PRKAR2B: variants seen among roughly 807,000 people sequenced by gnomAD.
PRKAR2B encodes cAMP-dependent protein kinase type II-beta regulatory subunit.
PRKAR2B carries 14 observed loss-of-function variants against 49.9 expected under a neutral mutation model. The observed-to-expected ratio is 0.28, with a 90% confidence interval of 0.19 to 0.44. PRKAR2B has a LOEUF of 0.44. Among genes scored for constraint, PRKAR2B ranks in the 20% least tolerant of loss-of-function variants. The probability of loss-of-function intolerance (pLI) is 1.00; values close to 1 mark genes in which losing one functional copy is unlikely to be tolerated. For synonymous variants in PRKAR2B, 196 were observed against 197.7 expected (o/e 0.99, Z 0.07); for missense variants, 393 against 537.9 (o/e 0.73, Z 2.67).
At chr7:107,062,988 A>G (rs182442019) in intron 1 of PRKAR2B, among the ~76,000 whole-genome samples, 8 of 152,148 alleles carry the variant, frequency 5.3e-5, no homozygotes, top group Admixed American at 3.9e-4. Context: ...CAGAAACTCA[A>G]TACTTGTATA....
intron 8 of PRKAR2B, among the ~76,000 whole-genome samples, chr7:107,155,378 A>T (rs1165958618): frequency 3.3e-5 from 5 of 151,988 alleles, no homozygotes; most frequent in African/African-American, 1.2e-4. Flanking sequence ...ACATGGTGAA[A>T]CCCCATCTCT....
chr7:107,095,168 C>T, intron 2 of PRKAR2B, among the ~76,000 whole-genome samples: 1 of 152,086 alleles, frequency 6.6e-6, no homozygotes, highest in Non-Finnish European at 1.5e-5. Context: ...TGCTTGTGTC[C>T]TCTTTTATTT....
In PRKAR2B at chr7:107,070,329, A is replaced by G. The variant is rs777106107; in HGVS notation, c.343+13A>G. On this transcript the variant is annotated intron_variant, in intron 2 of 10. Transcript: ENST00000265717. ...AGGCGTGCCTCAGGTAAGTCTGATTATATTATGGATTTTGTTTATTAATGG... is the reference window on the plus strand; with the variant it reads ...AGGCGTGCCTCAGGTAAGTCTGATTGTATTATGGATTTTGTTTATTAATGG... 8 of 1,592,270 alleles carry G rather than the reference A, an allele frequency of 5.0e-6. No individual in the cohort carries two copies. In the East Asian group the frequency reaches 1.6e-4, roughly 31 times the overall value.
intron 2 of PRKAR2B, among the ~76,000 whole-genome samples, chr7:107,114,513 C>A (rs1417024973): frequency 1.3e-5 from 2 of 149,458 alleles, no homozygotes; most frequent in Non-Finnish European, 2.9e-5. Context: ...AGGCACGCAC[C>A]ACCATGCCCG....
intron 2 of PRKAR2B, among the ~76,000 whole-genome samples, chr7:107,108,212 C>T (rs768622582): frequency 6.6e-6 from 1 of 152,128 alleles, no homozygotes; most frequent in East Asian, 1.9e-4. Flanking sequence ...CACTGGACAA[C>T]GTGACTCTGG....
intron 2 of PRKAR2B, among the ~76,000 whole-genome samples, chr7:107,071,793 A>C (rs1049602966): frequency 5.3e-5 from 8 of 152,212 alleles, no homozygotes; most frequent in East Asian, 3.9e-4. Context: ...TGGCTGGGCG[A>C]GGTGGCTCAC....
intron 2 of PRKAR2B, among the ~76,000 whole-genome samples, chr7:107,092,690 A>G (rs1794752629): frequency 6.6e-6 from 1 of 152,062 alleles, no homozygotes; most frequent in African/African-American, 2.4e-5. Context: ...AATTTAAAAA[A>G]TTTATCTATG....
At chr7:107,107,506 G>A (rs534383523) in intron 2 of PRKAR2B, among the ~76,000 whole-genome samples, 10 of 152,106 alleles carry the variant, frequency 6.6e-5, no homozygotes, top group South Asian at 2.1e-4. Flanking sequence ...GATGCTTCCC[G>A]TTGTCCCCCT....
rs542765134 is a variant in PRKAR2B at position 107,064,408 on chromosome 7, G to A, written c.308-5873G>A. On this transcript the variant is annotated intron_variant, in intron 1 of 10. Transcript: ENST00000265717. Reference sequence around the variant, plus strand: ...AAAGCAGAAGGAGCATCGATATTTCGTCTTACTCTGCCCCACCTCCAGCCG... The same window carrying A: ...AAAGCAGAAGGAGCATCGATATTTCATCTTACTCTGCCCCACCTCCAGCCG... Among the ~76,000 whole-genome samples the A allele has an allele frequency of 1.6e-3, 238 of 152,272 alleles. 1 individual carries two copies. Among genetic ancestry groups the A allele is most frequent in the Non-Finnish European group, 2.8e-3 (190 of 68,020 alleles).
chr7:107,045,282 C>T (rs1793667777), intron 1 of PRKAR2B, 68 bp downstream of exon 1: 2 of 1,323,408 alleles, frequency 1.5e-6, no homozygotes, highest in South Asian at 1.6e-5. Flanking sequence ...CCCCGCTGTG[C>T]TCTCGGATCT....
At position 107,156,336 on chromosome 7, in the gene PRKAR2B, G is replaced by A. The variant is rs117687308; in HGVS notation, c.919-648G>A. On this transcript the variant is annotated intron_variant, in intron 8 of 10. Coordinates refer to ENST00000265717, the MANE Select transcript of PRKAR2B (RefSeq NM_002736.3). ...GCCTGTAATCCCAGCTACTTGGGAG[G>A]GTGAGGTGGGAGAGTCGCCTGAATC... Among the ~76,000 whole-genome samples, 197 of 152,280 alleles carry A rather than the reference G, an allele frequency of 1.3e-3. 4 individuals carry two copies. The East Asian group carries it at 0.026, about 20-fold the overall frequency.
chr7:107,150,569 A>G (rs1795964708), intron 6 of PRKAR2B, among the ~76,000 whole-genome samples: 1 of 80,332 alleles, frequency 1.2e-5, no homozygotes, highest in Non-Finnish European at 2.4e-5. Flanking sequence ...CGTAGAGTAC[A>G]TAACAGAGTA....
intron 1 of PRKAR2B, among the ~76,000 whole-genome samples, chr7:107,065,793 T>C (rs1447281298): frequency 1.3e-5 from 2 of 152,202 alleles, no homozygotes; most frequent in African/African-American, 2.4e-5. Context: ...GTGATAGGCA[T>C]TGGGCATGAA....
Position 107,074,820 on chromosome 7 carries a change from A to G in PRKAR2B, c.343+4504A>G, listed in dbSNP as rs369092324. 4.6e-5 allele frequency among the ~76,000 whole-genome samples: 7 copies of G among 152,154 alleles called. No homozygotes were observed. The East Asian group carries it at 1.4e-3, about 29-fold the overall frequency. ...GTTTAAAATAAATAAATAAATAAAT[A>G]AAAATTTAGTGGTGGTAGTAGTAGT... is the stretch of plus-strand genomic sequence containing the variant. On this transcript the variant is annotated intron_variant, in intron 2 of 10. Transcript: ENST00000265717.
rs143574595 is a variant in PRKAR2B at position 107,073,835 on chromosome 7, C to T, written c.343+3519C>T. Among the ~76,000 whole-genome samples, 377 of 152,028 alleles carry T rather than the reference C, an allele frequency of 2.5e-3. 3 individuals are homozygous for T. The highest frequency in any genetic ancestry group is 8.5e-3 in the African/African-American group (354 of 41,486). On this transcript the variant is annotated intron_variant, in intron 2 of 10. Transcript: ENST00000265717. ...CAGCACTTTGGGAGGCCGTGGTGGGCGGATCACTAGAGGTCAGGAGTTCGA... is the reference window on the plus strand; with the variant it reads ...CAGCACTTTGGGAGGCCGTGGTGGGTGGATCACTAGAGGTCAGGAGTTCGA...
intron 1 of PRKAR2B, among the ~76,000 whole-genome samples, chr7:107,052,543 T>A (rs956763122): frequency 2.0e-5 from 3 of 152,250 alleles, no homozygotes; most frequent in African/African-American, 4.8e-5. Context: ...TTTACACATA[T>A]GTGATTTAGT....
rs147001076 is a variant in PRKAR2B at position 107,123,053 on chromosome 7, G to A, written c.396+1049G>A. On this transcript the variant is annotated intron_variant, in intron 3 of 10. Transcript: ENST00000265717. ...TCTGAAAAACTAGACCTTGCCTACC[G>A]TATACTTTATGTATCTAGCAGAAAC... 1.8e-3 allele frequency among the ~76,000 whole-genome samples: 270 copies of A among 152,218 alleles called. 3 individuals are homozygous for A. Among genetic ancestry groups the A allele is most frequent in the African/African-American group, 5.6e-3 (234 of 41,522 alleles).
chr7:107,119,568 G>A (rs886699326), intron 2 of PRKAR2B, among the ~76,000 whole-genome samples: 8 of 152,204 alleles, frequency 5.3e-5, no homozygotes, highest in African/African-American at 1.7e-4. Context: ...GTTCTCTGGA[G>A]AGTCGCAGCC....
At chr7:107,119,609 C>T (rs1345296728) in intron 2 of PRKAR2B, among the ~76,000 whole-genome samples, 1 of 152,182 alleles carries the variant, frequency 6.6e-6, no homozygotes, top group Non-Finnish European at 1.5e-5. Context: ...GACACATTGG[C>T]AGGGCCATCC....
Sources: gnomAD v4.1 joint callset for allele counts (sites outside exome capture counted in the v4.1 genomes callset) on GRCh38, gnomAD v4.1.1 for gene constraint, MANE v1.5 for transcripts, NCBI Gene and HGNC (gene_info 2026-07-23, HGNC 2026-07-21) for gene names.